Variants in UNC5D observed in about 807,000 individuals in gnomAD.
UNC5D encodes unc-5 netrin receptor D.
A neutral mutation model predicts 105.4 loss-of-function variants in UNC5D; 39 were observed. The observed-to-expected ratio is 0.37, with a 90% confidence interval of 0.29 to 0.48. The LOEUF is 0.48. Ranked by LOEUF, UNC5D falls within the 20% of genes least tolerant of loss-of-function variation. The probability of loss-of-function intolerance (pLI) is 0.98; values close to 1 mark genes in which losing one functional copy is unlikely to be tolerated. For synonymous variants in UNC5D, 452 were observed against 450.4 expected, an observed-to-expected ratio of 1.00 and a Z score of -0.04; for missense variants, 991 against 1,202.4, an observed-to-expected ratio of 0.82 and a Z score of 2.60.
At chr8:35,690,000 G>A (rs1366622720) in intron 7 of UNC5D, among the ~76,000 whole-genome samples, 2 of 152,146 alleles carry the variant, frequency 1.3e-5, no homozygotes, top group Non-Finnish European at 2.9e-5. Flanking sequence ...CTTGGAATGT[G>A]TAAAAAGATC....
intron 4 of UNC5D, among the ~76,000 whole-genome samples, chr8:35,650,489 T>C (rs927873709): frequency 6.6e-6 from 1 of 152,180 alleles, no homozygotes; most frequent in Non-Finnish European, 1.5e-5. Flanking sequence ...TTTTGTTTTT[T>C]TGAGTTTCAC....
At chr8:35,777,527 A>G (rs1408282792) in intron 16 of UNC5D, among the ~76,000 whole-genome samples, 3 of 152,234 alleles carry the variant, frequency 2.0e-5, no homozygotes, top group Non-Finnish European at 4.4e-5. Context: ...TAGTGAAATC[A>G]TGGAGTGAAA....
intron 1 of UNC5D, among the ~76,000 whole-genome samples, chr8:35,511,494 A>G (rs111900826): frequency 6.7e-6 from 1 of 149,476 alleles, no homozygotes; most frequent in African/African-American, 2.5e-5. Context: ...AAAAAAAAAA[A>G]AGGTCTTAAT....
At chr8:35,783,725 G>A (rs993832590) in intron 16 of UNC5D, among the ~76,000 whole-genome samples, 1 of 152,142 alleles carries the variant, frequency 6.6e-6, no homozygotes, top group Non-Finnish European at 1.5e-5. Context: ...GGGAAGATCT[G>A]AAAGCTTTCA....
chr8:35,731,348 C>T (rs972455533), intron 11 of UNC5D, among the ~76,000 whole-genome samples: 1 of 136,118 alleles, frequency 7.3e-6, no homozygotes, highest in Non-Finnish European at 1.5e-5. Context: ...ATGCAGTGAG[C>T]CAAGATCGTG....
intron 1 of UNC5D, among the ~76,000 whole-genome samples, chr8:35,408,739 A>C (rs1028880487): frequency 6.6e-6 from 1 of 151,838 alleles, no homozygotes; most frequent in Non-Finnish European, 1.5e-5. Context: ...CAGTGTAACC[A>C]TATGTGGGTA....
chr8:35,457,645 G>T (rs943651155), intron 1 of UNC5D, among the ~76,000 whole-genome samples: 5 of 152,128 alleles, frequency 3.3e-5, no homozygotes, highest in African/African-American at 1.2e-4. Context: ...GTGAGTTGGG[G>T]AAGTATTTGA....
intron 1 of UNC5D, among the ~76,000 whole-genome samples, chr8:35,309,124 ATTC>A (rs1363388450): frequency 6.6e-6 from 1 of 152,150 alleles, no homozygotes; most frequent in Non-Finnish European, 1.5e-5. Context: ...CTCATGAACA[ATTC>A]TGGGACCTTC....
chr8:35,246,231 A>T (rs1803088155), intron 1 of UNC5D, among the ~76,000 whole-genome samples: 1 of 151,946 alleles, frequency 6.6e-6, no homozygotes. Context: ...TATTCACATT[A>T]TTTTTTTATC....
intron 2 of UNC5D, among the ~76,000 whole-genome samples, chr8:35,563,040 C>A (rs1163417555): frequency 6.6e-6 from 1 of 151,818 alleles, no homozygotes; most frequent in Non-Finnish European, 1.5e-5. Flanking sequence ...TTCCCGGAAC[C>A]ATTTATTGAA....
chr8:35,536,001 G>A (rs889409250), intron 1 of UNC5D, among the ~76,000 whole-genome samples: 2 of 152,164 alleles, frequency 1.3e-5, no homozygotes, highest in Admixed American at 1.3e-4. Flanking sequence ...TAGTAAGAAA[G>A]CCTGAATTTG....
At chr8:35,279,139 G>C (rs1370610753) in intron 1 of UNC5D, among the ~76,000 whole-genome samples, 1 of 152,148 alleles carries the variant, frequency 6.6e-6, no homozygotes, top group African/African-American at 2.4e-5. Context: ...CTACTCAGAG[G>C]AGGCCACGGA....
At chr8:35,247,606 AT>A (rs1171209881) in intron 1 of UNC5D, among the ~76,000 whole-genome samples, 6 of 94,448 alleles carry the variant, frequency 6.4e-5, no homozygotes, top group African/African-American at 2.6e-4. Flanking sequence ...TAATATATAA[AT>A]ATATATTATA....
intron 4 of UNC5D, among the ~76,000 whole-genome samples, chr8:35,606,940 C>T (rs1224589766): frequency 2.6e-5 from 4 of 152,046 alleles, no homozygotes; most frequent in African/African-American, 9.7e-5. Flanking sequence ...AGCAGCATGC[C>T]CATCTGTTCA....
Position 35,793,570 on chromosome 8 carries a change from C to T in UNC5D, c.*3007C>T, listed in dbSNP as rs542575925. 5 of 154,530 alleles carry T rather than the reference C, an allele frequency of 3.2e-5. No homozygotes were observed. Among genetic ancestry groups the T allele is most frequent in the African/African-American group, 1.2e-4 (5 of 41,578 alleles). The allele number at this position is 154,530 out of a possible 1,614,324, so 9.6% of individuals were successfully genotyped here. On this transcript the variant is annotated 3_prime_UTR_variant, in exon 17 of 17. Coordinates refer to ENST00000404895, the MANE Select transcript of UNC5D (RefSeq NM_080872.4). Reference sequence around the variant, plus strand: ...AAGGCATTTAAGTCCAATAGTCATGCTTTAAATATGGCTTTAAATTATGCC... The same window carrying T: ...AAGGCATTTAAGTCCAATAGTCATGTTTTAAATATGGCTTTAAATTATGCC...
At chr8:35,473,334 C>T (rs1187271555) in intron 1 of UNC5D, among the ~76,000 whole-genome samples, 1 of 152,088 alleles carries the variant, frequency 6.6e-6, no homozygotes, top group Non-Finnish European at 1.5e-5. Context: ...AGATAAGTTC[C>T]ATGAGGACAG....
At chr8:35,394,075 TGA>T (rs1359951013) in intron 1 of UNC5D, among the ~76,000 whole-genome samples, 2 of 152,222 alleles carry the variant, frequency 1.3e-5, no homozygotes, top group Non-Finnish European at 2.9e-5. Context: ...GGAGTTTACA[TGA>T]CGTGTATTTC....
intron 3 of UNC5D, among the ~76,000 whole-genome samples, chr8:35,592,377 T>C (rs1819226087): frequency 6.6e-6 from 1 of 152,184 alleles, no homozygotes; most frequent in South Asian, 2.1e-4. Context: ...AGTATAATTC[T>C]TGTTATATGG....
intron 1 of UNC5D, among the ~76,000 whole-genome samples, chr8:35,327,419 A>G (rs876115): frequency 0.79 from 120,074 of 152,096 alleles, 48,516 homozygotes; most frequent in East Asian, 1. Flanking sequence ...ACTGGTGTCA[A>G]TTTACTTCGA....
Sources: gnomAD v4.1 joint callset for allele counts (sites outside exome capture counted in the v4.1 genomes callset) on GRCh38, gnomAD v4.1.1 for gene constraint, MANE v1.5 for transcripts, NCBI Gene and HGNC (gene_info 2026-07-23, HGNC 2026-07-21) for gene names.